The following PPA2 variants were observed in gnomAD, a reference collection of about 807,000 sequenced individuals.
PPA2 encodes the protein inorganic pyrophosphatase 2, also known as inorganic pyrophosphatase 2, mitochondrial.
PPA2 carries 48 observed loss-of-function variants against 49.5 expected under a neutral mutation model. That is an observed-to-expected ratio of 0.97 (90% confidence interval 0.77 to 1.23). The LOEUF (loss-of-function observed/expected upper bound fraction) is 1.23. PPA2 is among the 50% of genes most tolerant of loss of function. PPA2 has a pLI of 0.00. For missense variants in PPA2, 429 were observed against 410.1 expected (o/e 1.05, Z -0.40); for synonymous variants, 131 against 139.9 (o/e 0.94, Z 0.45).
At chr4:105,442,164 A>G (rs1208096380) in intron 5 of PPA2, among the ~76,000 whole-genome samples, 6 of 152,124 alleles carry the variant, frequency 3.9e-5, no homozygotes, top group African/African-American at 1.4e-4. Context: ...GCCATCACCT[A>G]TGCTTTCCCA....
intron 3 of PPA2, 139 bp from the exon 4 acceptor site, chr4:105,449,542 C>G (rs2110306175): frequency 2.0e-6 from 1 of 508,268 alleles, no homozygotes; most frequent in Admixed American, 3.9e-5. Context: ...TCTACCTATG[C>G]CTTAAATTTT....
At chr4:105,432,891 G>T (rs1026585851) in intron 6 of PPA2, among the ~76,000 whole-genome samples, 1 of 152,076 alleles carries the variant, frequency 6.6e-6, no homozygotes, top group African/African-American at 2.4e-5. Context: ...TCCCAATTCT[G>T]CCAACTTACT....
intron 10 of PPA2, among the ~76,000 whole-genome samples, chr4:105,372,444 T>C (rs997195100): frequency 2.0e-5 from 3 of 152,220 alleles, no homozygotes; most frequent in Non-Finnish European, 4.4e-5. Context: ...TATTAAAATA[T>C]TCCCTATGAT....
At position 105,369,665 on chromosome 4, in the gene PPA2, C is replaced by G; in HGVS notation, c.*60G>C. On this transcript the variant is annotated 3_prime_UTR_variant, in exon 12 of 12. Transcript: ENST00000341695. Reference sequence around the variant, plus strand: ...AGTAAATGCTCATAGACCCCCTTGTCTCTAGCACTTGGAGTCCTTAGAGAT... The same window carrying G: ...AGTAAATGCTCATAGACCCCCTTGTGTCTAGCACTTGGAGTCCTTAGAGAT... 2 of 886,852 alleles carry G rather than the reference C, an allele frequency of 2.3e-6. No individual in the cohort carries two copies. The highest frequency in any genetic ancestry group is 3.1e-6 in the Non-Finnish European group (2 of 641,488). The allele number at this position is 886,852 out of a possible 1,614,324, so 54.9% of individuals were successfully genotyped here. A position where few individuals can be genotyped will look rare whatever the true frequency, so the allele number is the denominator to read the frequency against.
At chr4:105,405,422 T>C in intron 7 of PPA2, 1 of 810,946 alleles carries the variant, frequency 1.2e-6, no homozygotes, top group Non-Finnish European at 1.5e-6. Flanking sequence ...CTAATATTAT[T>C]ACAATTTAGT....
At chr4:105,457,392 C>T (rs1367903680) in intron 1 of PPA2, among the ~76,000 whole-genome samples, 2 of 152,174 alleles carry the variant, frequency 1.3e-5, no homozygotes, top group Non-Finnish European at 2.9e-5. Context: ...TACTGGAATA[C>T]ATCTGTTTCC....
At chr4:105,385,643 T>A (rs1293254922) in intron 10 of PPA2, among the ~76,000 whole-genome samples, 2 of 152,112 alleles carry the variant, frequency 1.3e-5, no homozygotes, top group African/African-American at 4.8e-5. Context: ...TATTACTTGA[T>A]TATCTGAATA....
chr4:105,437,647 T>G (rs1724126400), intron 6 of PPA2, among the ~76,000 whole-genome samples: 1 of 152,198 alleles, frequency 6.6e-6, no homozygotes, highest in Non-Finnish European at 1.5e-5. Flanking sequence ...CTATACAATC[T>G]CTGCTACAAG....
intron 10 of PPA2, among the ~76,000 whole-genome samples, chr4:105,374,860 T>TTTC (rs1384287149): frequency 1.4e-5 from 2 of 144,916 alleles, no homozygotes; most frequent in Admixed American, 1.4e-4. Context: ...TCTTTTTTCT[T>TTTC]TTTTTTTTTT....
intron 3 of PPA2, among the ~76,000 whole-genome samples, chr4:105,449,770 C>T (rs1200929439): frequency 6.6e-6 from 1 of 152,172 alleles, no homozygotes; most frequent in Non-Finnish European, 1.5e-5. Flanking sequence ...CTCACTTTTC[C>T]AATCTGTAAA....
intron 6 of PPA2, among the ~76,000 whole-genome samples, chr4:105,431,713 G>A (rs1420319316): frequency 6.6e-6 from 1 of 152,092 alleles, no homozygotes; most frequent in Non-Finnish European, 1.5e-5. Context: ...ATAAGTAAAA[G>A]GTAATATTAT....
intron 5 of PPA2, among the ~76,000 whole-genome samples, chr4:105,442,754 A>C (rs1414461645): frequency 6.6e-6 from 1 of 152,196 alleles, no homozygotes; most frequent in Non-Finnish European, 1.5e-5. Flanking sequence ...CTGATGAATC[A>C]CAAGCTAAGT....
intron 10 of PPA2, among the ~76,000 whole-genome samples, chr4:105,381,023 G>C (rs68146425): frequency 6.6e-6 from 1 of 151,986 alleles, no homozygotes; most frequent in South Asian, 2.1e-4. Context: ...AAGTCTGAAA[G>C]CTTCCCTTTC....
At chr4:105,383,277 A>C (rs1282713728) in intron 10 of PPA2, among the ~76,000 whole-genome samples, 1 of 152,240 alleles carries the variant, frequency 6.6e-6, no homozygotes, top group Non-Finnish European at 1.5e-5. Flanking sequence ...GATCTTTCAG[A>C]TCTATCCTTC....
In PPA2 at chr4:105,422,892, C is replaced by T. The variant is rs184630649; in HGVS notation, c.655+1304G>A. 1.5e-3 allele frequency among the ~76,000 whole-genome samples: 235 copies of T among 152,214 alleles called. 2 individuals are homozygous for T. Among genetic ancestry groups the T allele is most frequent in the East Asian group, 4.8e-3 (25 of 5,180 alleles). On this transcript the variant is annotated intron_variant, in intron 7 of 11. Transcript: ENST00000341695. ...AGCTTTTTCAGTTTAAAGGGGCATC[C>T]CTTAGCACAGTTTCATGACTTTAGT...
intron 7 of PPA2, among the ~76,000 whole-genome samples, chr4:105,415,333 C>A (rs1402337640): frequency 1.3e-5 from 2 of 152,254 alleles, no homozygotes; most frequent in African/African-American, 4.8e-5. Context: ...CACCAAGCCA[C>A]CCTCAGCACC....
chr4:105,400,216 A>G (rs1221705296), intron 7 of PPA2, among the ~76,000 whole-genome samples: 1 of 152,232 alleles, frequency 6.6e-6, no homozygotes, highest in African/African-American at 2.4e-5. Context: ...ATAACAAAAC[A>G]AACAGGGATG....
chr4:105,371,483 A>T (rs1169058727), intron 10 of PPA2, among the ~76,000 whole-genome samples: 1 of 152,182 alleles, frequency 6.6e-6, no homozygotes, highest in Admixed American at 6.5e-5. Flanking sequence ...TAGAATTTAC[A>T]TCTATGTGAC....
intron 6 of PPA2, 84 bp from the exon 7 acceptor site, chr4:105,424,406 G>A: frequency 8.1e-7 from 1 of 1,230,700 alleles, no homozygotes; most frequent in Non-Finnish European, 1.1e-6. Context: ...AAGATTAAAA[G>A]AACTACAGAC....
Sources: gnomAD v4.1 joint callset for allele counts (sites outside exome capture counted in the v4.1 genomes callset) on GRCh38, gnomAD v4.1.1 for gene constraint, MANE v1.5 for transcripts, NCBI Gene and HGNC (gene_info 2026-07-23, HGNC 2026-07-21) for gene names.